MBNL1: variants seen among roughly 807,000 people sequenced by gnomAD.
The protein encoded by MBNL1 is muscleblind-like protein 1.
In MBNL1, 8 loss-of-function variants were observed where a neutral mutation model predicts 42.2. The observed-to-expected ratio is 0.19, with a 90% CI of 0.11 to 0.34. The LOEUF (loss-of-function observed/expected upper bound fraction) is 0.34. Among genes scored for constraint, MBNL1 ranks in the 10% least tolerant of loss-of-function variants. The pLI, the probability that MBNL1 is intolerant of heterozygous loss-of-function variation, is 1.00. For synonymous variants in MBNL1, 169 were observed against 173.9 expected, an observed-to-expected ratio of 0.97 and a Z score of 0.22; for missense variants, 309 against 495.3, an observed-to-expected ratio of 0.62 and a Z score of 3.57.
In MBNL1 at chr3:152,269,066, G is replaced by C. The variant is rs1332036799; in HGVS notation, c.-816G>C. The stretch of plus-strand genomic sequence containing the variant: ...CCTTGGGCACTTGGTCGACAGTGGG[G>C]CCGCCTCTGAAAAAAAAATGTGAGA... On this transcript the variant is annotated 5_prime_UTR_variant, in exon 1 of 10. Coordinates refer to ENST00000324210, the MANE Select transcript of MBNL1 (RefSeq NM_021038.5). The C allele has an allele frequency of 2.2e-6, 1 of 455,122 alleles. No homozygotes were observed. The highest frequency in any genetic ancestry group is 2.0e-5 in the African/African-American group (1 of 49,952). 28.2% of individuals were successfully genotyped at this position (455,122 alleles called of 1,614,324 possible).
At chr3:152,280,974 G>T (rs892138208) in intron 1 of MBNL1, among the ~76,000 whole-genome samples, 1 of 151,980 alleles carries the variant, frequency 6.6e-6, no homozygotes, top group Non-Finnish European at 1.5e-5. Context: ...TTAAGAATAT[G>T]GTTTCTGATT....
At chr3:152,404,984 GA>G (rs996588546) in intron 2 of MBNL1, among the ~76,000 whole-genome samples, 3 of 149,464 alleles carry the variant, frequency 2.0e-5, no homozygotes, top group Admixed American at 6.7e-5. Context: ...TTCCTCTGAG[GA>G]AAAAAAAATG....
At chr3:152,328,441 T>A (rs2081906157) in intron 2 of MBNL1, among the ~76,000 whole-genome samples, 1 of 152,186 alleles carries the variant, frequency 6.6e-6, no homozygotes, top group Non-Finnish European at 1.5e-5. Context: ...AAACATCTTC[T>A]GAGATGTTTT....
intron 1 of MBNL1, among the ~76,000 whole-genome samples, chr3:152,281,959 G>A (rs2048756309): frequency 6.6e-6 from 1 of 152,086 alleles, no homozygotes. Flanking sequence ...ATGTGTGTAT[G>A]TGTGCATGTT....
chr3:152,432,670 TGAGCTGA>T, intron 3 of MBNL1, 40 bp from the exon 4 acceptor site: 2 of 1,528,748 alleles, frequency 1.3e-6, no homozygotes, highest in Non-Finnish European at 1.8e-6. Context: ...ATATCAACTT[TGAGCTGA>T]GACCTGCATG....
chr3:152,391,659 A>G (rs1197931282), intron 2 of MBNL1, among the ~76,000 whole-genome samples: 2 of 152,226 alleles, frequency 1.3e-5, no homozygotes, highest in Non-Finnish European at 2.9e-5. Context: ...CATGTGCAGC[A>G]TATTGCTAAA....
chr3:152,298,874 G>A (rs2059681753), intron 1 of MBNL1: 1 of 152,174 alleles, frequency 6.6e-6, no homozygotes, highest in African/African-American at 2.4e-5. Context: ...AAGCAGCTTG[G>A]AAGTCAGCTG....
chr3:152,276,135 GGC>G lies in MBNL1; in HGVS notation c.-790+7044_-790+7045del, dbSNP rs1343796651. 1.4e-4 allele frequency among the ~76,000 whole-genome samples: 22 copies of G among 152,076 alleles called. No individual in the cohort carries two copies. The South Asian group carries it at 1.7e-3, about 11-fold the overall frequency. On this transcript the variant is annotated intron_variant, in intron 1 of 9. Coordinates refer to ENST00000324210, the MANE Select transcript of MBNL1 (RefSeq NM_021038.5). ...AATTTTTTCATTTGCGGAGATATGA[GGC>G]TTGTCATTTTTATTATTCCAATGTT...
intron 2 of MBNL1, among the ~76,000 whole-genome samples, chr3:152,412,455 A>G (rs530551549): frequency 6.6e-6 from 1 of 152,274 alleles, no homozygotes; most frequent in South Asian, 2.1e-4. Flanking sequence ...TTCTCACCAA[A>G]TATCAGTTGA....
rs1314740488 is a variant in MBNL1, at chr3:152,459,314, T to C, written c.1136T>C (p.Val379Ala). ...GAACATCTGACTAGCCACAAGTATG[T>C]TACCCAGATGTAGAATTTTCATCAC... The part of the protein sequence containing the change: ...SAEHLTSHKY[V>A]TQM Residue 379 changes from valine to alanine, a missense_variant, in exon 9 of 10, where the codon GTT becomes GCT. Val to Ala is a moderately conservative substitution (Grantham distance 64). Transcript: ENST00000324210. 6.3e-7 allele frequency: 1 copy of C among 1,579,430 alleles called. No individual in the cohort carries two copies. Among genetic ancestry groups the C allele is most frequent in the Non-Finnish European group, 8.6e-7 (1 of 1,162,346 alleles).
At chr3:152,246,654 ATTATGT>A (rs1205231960) in intron 2 of MBNL1, among the ~76,000 whole-genome samples, 2 of 151,938 alleles carry the variant, frequency 1.3e-5, no homozygotes, top group African/African-American at 4.8e-5. Context: ...GTTTTAGTAG[ATTATGT>A]TTATGTGACA....
intron 2 of MBNL1, among the ~76,000 whole-genome samples, chr3:152,334,432 G>A (rs1489743285): frequency 6.6e-6 from 1 of 152,146 alleles, no homozygotes; most frequent in African/African-American, 2.4e-5. Context: ...CAGCCACATT[G>A]TAGCCACTGG....
chr3:152,323,383 T>G (rs1378618530), intron 2 of MBNL1, among the ~76,000 whole-genome samples: 1 of 152,120 alleles, frequency 6.6e-6, no homozygotes, highest in African/African-American at 2.4e-5. Flanking sequence ...ATGAATAATT[T>G]GAACTCCCTT....
chr3:152,447,286 G>A (rs190820939), intron 5 of MBNL1, among the ~76,000 whole-genome samples: 186 of 152,290 alleles, frequency 1.2e-3, no homozygotes, highest in African/African-American at 4.3e-3. Context: ...GGAGCTCGCA[G>A]TGCGGCTTTT....
chr3:152,460,787 G>T (rs1312652781), intron 9 of MBNL1, among the ~76,000 whole-genome samples: 1 of 152,022 alleles, frequency 6.6e-6, no homozygotes, highest in Non-Finnish European at 1.5e-5. Flanking sequence ...ACTGAAATTG[G>T]TTAAGATGGG....
At chr3:152,429,978 T>C (rs2098985962) in intron 3 of MBNL1, among the ~76,000 whole-genome samples, 1 of 152,222 alleles carries the variant, frequency 6.6e-6, no homozygotes, top group South Asian at 2.1e-4. Context: ...TCCTACCGAC[T>C]TTACTTGGGG....
rs2152966527 is a variant in MBNL1 at position 152,349,587 on chromosome 3, A to G, written c.174+49220A>G. 1.3e-5 allele frequency among the ~76,000 whole-genome samples: 2 copies of G among 152,266 alleles called. 1 individual carries two copies. The highest frequency in any genetic ancestry group is 4.1e-4 in the South Asian group (2 of 4,824). On this transcript the variant is annotated intron_variant, in intron 2 of 9. Transcript: ENST00000324210. ...AATCACTCAACTGGAAGTGCTGGATATAATTTCTGACTTATCCATTAGTCA... is the reference window on the plus strand; with the variant it reads ...AATCACTCAACTGGAAGTGCTGGATGTAATTTCTGACTTATCCATTAGTCA...
intron 2 of MBNL1, among the ~76,000 whole-genome samples, chr3:152,327,353 CT>C (rs919392773): frequency 2.9e-4 from 44 of 150,292 alleles, no homozygotes; most frequent in African/African-American, 5.2e-4. Flanking sequence ...TTCTTTCTTT[CT>C]TTTTTTTTAT....
At chr3:152,442,525 A>G (rs1185002420) in intron 4 of MBNL1, among the ~76,000 whole-genome samples, 1 of 152,222 alleles carries the variant, frequency 6.6e-6, no homozygotes, top group East Asian at 1.9e-4. Context: ...TGTATGATAA[A>G]TGTTATAATT....
Sources: gnomAD v4.1 joint callset for allele counts (sites outside exome capture counted in the v4.1 genomes callset) on GRCh38, gnomAD v4.1.1 for gene constraint, MANE v1.5 for transcripts, NCBI Gene and HGNC (gene_info 2026-07-23, HGNC 2026-07-21) for gene names.